Variants in AGBL4 observed in about 807,000 individuals in gnomAD.
The protein encoded by AGBL4 is cytosolic carboxypeptidase 6.
A neutral mutation model predicts 66.4 loss-of-function variants in AGBL4; 58 were observed. The ratio of observed to expected loss-of-function variants is 0.87; its 90% confidence interval spans 0.71 to 1.09. The LOEUF (loss-of-function observed/expected upper bound fraction) is 1.09, where lower values mean the gene tolerates loss of function less well. Among genes scored for constraint, AGBL4 ranks in the 50% least tolerant of loss-of-function variants. The pLI is 0.00. For synonymous variants in AGBL4, 234 were observed against 222.9 expected, an observed-to-expected ratio of 1.05 and a Z score of -0.44; for missense variants, 579 against 631.0, an observed-to-expected ratio of 0.92 and a Z score of 0.88.
At chr1:48,654,509 G>T (rs1370594965) in intron 7 of AGBL4, among the ~76,000 whole-genome samples, 1 of 152,180 alleles carries the variant, frequency 6.6e-6, no homozygotes, top group African/African-American at 2.4e-5. Flanking sequence ...TTACTATAAT[G>T]CCAGAAAGTG....
chr1:48,829,496 C>T (rs1157933148), intron 6 of AGBL4, among the ~76,000 whole-genome samples: 1 of 152,130 alleles, frequency 6.6e-6, no homozygotes, highest in Non-Finnish European at 1.5e-5. Flanking sequence ...GGAATGTGCA[C>T]ATTTTATAAT....
intron 3 of AGBL4, among the ~76,000 whole-genome samples, chr1:49,452,782 G>T (rs1259734461): frequency 6.6e-6 from 1 of 151,772 alleles, no homozygotes; most frequent in African/African-American, 2.4e-5. Context: ...GAAAAAAACA[G>T]GATAAGGATC....
intron 3 of AGBL4, among the ~76,000 whole-genome samples, chr1:49,647,338 G>A (rs1467738565): frequency 6.6e-6 from 1 of 151,928 alleles, no homozygotes; most frequent in Non-Finnish European, 1.5e-5. Flanking sequence ...GAGATCATAA[G>A]GCAAACTACT....
At chr1:48,543,945 A>G (rs1271708223) in intron 11 of AGBL4, among the ~76,000 whole-genome samples, 1 of 152,210 alleles carries the variant, frequency 6.6e-6, no homozygotes, top group Non-Finnish European at 1.5e-5. Flanking sequence ...TCAGGACTCA[A>G]ACCCAGGCAG....
intron 6 of AGBL4, among the ~76,000 whole-genome samples, chr1:48,843,633 T>C (rs765879377): frequency 2.0e-5 from 3 of 152,100 alleles, no homozygotes; most frequent in Non-Finnish European, 2.9e-5. Context: ...ACATATACTC[T>C]AAACAAAAAC....
chr1:49,156,129 T>A (rs1478488774), intron 4 of AGBL4, among the ~76,000 whole-genome samples: 1 of 152,178 alleles, frequency 6.6e-6, no homozygotes, highest in Admixed American at 6.6e-5. Flanking sequence ...TTCAACCTGG[T>A]CATGCACTTC....
intron 2 of AGBL4, among the ~76,000 whole-genome samples, chr1:49,831,255 C>G (rs1557490516): frequency 6.6e-6 from 1 of 152,132 alleles, no homozygotes; most frequent in Non-Finnish European, 1.5e-5. Context: ...GAATGTCTTC[C>G]CATTCGTTTG....
intron 3 of AGBL4, among the ~76,000 whole-genome samples, chr1:49,503,961 A>G (rs1045241366): frequency 6.6e-6 from 1 of 152,130 alleles, no homozygotes; most frequent in African/African-American, 2.4e-5. Flanking sequence ...ACATGAGGAC[A>G]TGAGATTTGG....
intron 2 of AGBL4, among the ~76,000 whole-genome samples, chr1:49,734,788 AT>A (rs1332597689): frequency 6.6e-6 from 1 of 150,616 alleles, no homozygotes; most frequent in Non-Finnish European, 1.5e-5. Flanking sequence ...ATATATTAAA[AT>A]AATCTATAAT....
intron 2 of AGBL4, among the ~76,000 whole-genome samples, chr1:49,767,910 A>G (rs1643936277): frequency 2.0e-5 from 3 of 152,218 alleles, no homozygotes; most frequent in South Asian, 4.1e-4. Context: ...GAAGAAATTG[A>G]AACCCTGAAA....
At chr1:49,846,255 G>C in intron 2 of AGBL4, 1 of 1,469,916 alleles carries the variant, frequency 6.8e-7, no homozygotes, top group South Asian at 1.1e-5. Context: ...TGTCACGATT[G>C]TGGAAAGTCC....
intron 11 of AGBL4, among the ~76,000 whole-genome samples, chr1:48,563,376 A>T (rs555994651): frequency 6.6e-6 from 1 of 152,302 alleles, no homozygotes; most frequent in East Asian, 1.9e-4. Flanking sequence ...TCAATTAACC[A>T]CTGGGCAGAG....
chr1:49,777,896 ATTT>A (rs1229170393), intron 2 of AGBL4, among the ~76,000 whole-genome samples: 1 of 152,212 alleles, frequency 6.6e-6, no homozygotes, highest in African/African-American at 2.4e-5. Flanking sequence ...ATGGAGAAAC[ATTT>A]AGTCACAAAG....
intron 1 of AGBL4, among the ~76,000 whole-genome samples, chr1:50,007,538 G>A (rs992844610): frequency 6.6e-6 from 1 of 152,140 alleles, no homozygotes; most frequent in African/African-American, 2.4e-5. Flanking sequence ...CGAGGAGGGA[G>A]GATTGGTTGA....
chr1:49,599,786 G>A (rs61783610), intron 3 of AGBL4, among the ~76,000 whole-genome samples: 2 of 152,168 alleles, frequency 1.3e-5, no homozygotes, highest in African/African-American at 4.8e-5. Context: ...TGCTTTAGCT[G>A]TGTCCCAGAA....
intron 6 of AGBL4, among the ~76,000 whole-genome samples, chr1:48,691,946 C>T (rs1646639868): frequency 6.6e-6 from 1 of 152,222 alleles, no homozygotes; most frequent in African/African-American, 2.4e-5. Context: ...TCCTTGTGGC[C>T]TGATCCTCCC....
At chr1:49,381,989 A>C (rs770413941) in intron 3 of AGBL4, among the ~76,000 whole-genome samples, 2 of 151,970 alleles carry the variant, frequency 1.3e-5, no homozygotes, top group Non-Finnish European at 2.9e-5. Flanking sequence ...TAAAACTTAA[A>C]GTATAATAAT....
intron 6 of AGBL4, among the ~76,000 whole-genome samples, chr1:48,859,231 A>G (rs1647286479): frequency 6.6e-6 from 1 of 152,132 alleles, no homozygotes; most frequent in Non-Finnish European, 1.5e-5. Context: ...CCAACTGGCA[A>G]CACCTGCAAA....
chr1:49,168,119 A>AG (rs1000960307), intron 4 of AGBL4, among the ~76,000 whole-genome samples: 6 of 152,156 alleles, frequency 3.9e-5, no homozygotes, highest in Non-Finnish European at 8.8e-5. Context: ...TTGATATCCG[A>AG]GGGGGCTCCT....
Sources: allele counts gnomAD v4.1 joint callset (sites outside exome capture counted in the v4.1 genomes callset), GRCh38; gene constraint gnomAD v4.1.1; transcripts MANE v1.5; gene names NCBI Gene and HGNC (gene_info 2026-07-23, HGNC 2026-07-21).